The following FBN3 variants were observed in gnomAD, a reference collection of about 807,000 sequenced individuals.
The protein encoded by FBN3 is fibrillin 3.
FBN3 carries 234 observed loss-of-function variants against 330.1 expected under a neutral mutation model. The ratio of observed to expected loss-of-function variants is 0.71; its 90% confidence interval spans 0.64 to 0.79. The LOEUF (loss-of-function observed/expected upper bound fraction) is 0.79. Among genes scored for constraint, FBN3 ranks in the 30% least tolerant of loss-of-function variants. The pLI is 0.00. For missense variants in FBN3, 3,606 were observed against 3,886.9 expected (o/e 0.93, Z 1.92); for synonymous variants, 1,458 against 1,517.3 (o/e 0.96, Z 0.91).
chr19:8,087,620 T>C (rs2081993794), intron 53 of FBN3, among the ~76,000 whole-genome samples: 1 of 136,156 alleles, frequency 7.3e-6, no homozygotes, highest in Admixed American at 7.2e-5. Context: ...TTTTTTTTTT[T>C]TTTGAGGCGG....
intron 14 of FBN3, 143 bp downstream of exon 14, chr19:8,132,841 C>A: frequency 8.3e-6 from 8 of 969,212 alleles, no homozygotes; most frequent in Non-Finnish European, 1.2e-5. Flanking sequence ...TTCCCTCCTC[C>A]TCCTCTTTTT....
chr19:8,087,236 T>G, intron 53 of FBN3, 25 bp from the exon 54 acceptor site: 1 of 1,559,976 alleles, frequency 6.4e-7, no homozygotes, highest in Non-Finnish European at 8.6e-7. Flanking sequence ...AGACAGATGG[T>G]CAGTCAAGGC....
Position 8,126,309 on chromosome 19 carries a change from C to T in FBN3, c.2593G>A (p.Val865Ile), listed in dbSNP as rs776578027. 3.1e-6 allele frequency: 5 copies of T among 1,588,690 alleles called. No individual in the cohort carries two copies. In the East Asian group the frequency reaches 9.1e-5, roughly 29 times the overall value. Residue 865 changes from valine to isoleucine, a missense_variant, in exon 21 of 64, where the codon GTC (valine) becomes ATC (isoleucine). Physicochemically the swap from Val to Ile is conservative, Grantham distance 29 (BLOSUM62 3). Coordinates refer to ENST00000600128, the MANE Select transcript of FBN3 (RefSeq NM_032447.5). The stretch of plus-strand genomic sequence containing the variant: ...GGCAGGCAGTTACCATCGCAGGTGA[C>T]ACCCGTCATCCGGGCAAAGCCCCGG... ...CARGFARMTGVTCDDVNECES... is the reference protein window; with the variant it reads ...CARGFARMTGITCDDVNECES...
intron 38 of FBN3, 119 bp downstream of exon 38, chr19:8,105,989 A>G: frequency 8.6e-7 from 1 of 1,166,142 alleles, no homozygotes; most frequent in Non-Finnish European, 1.2e-6. Context: ...AAGAGGAGGC[A>G]GGGGGCAGAA....
Position 8,129,328 on chromosome 19 carries a change from G to T in FBN3, c.2082C>A (p.Ala694=), listed in dbSNP as rs1286484606. ...NECALDPEVC[A]NGVCENLRGS... ...CCCGAAGGTTCTCGCACACGCCATT[G>T]GCACAAACCTCAGGATCCAGAGCAC... Residue 694 remains alanine (A), a synonymous_variant, in exon 17 of 64, where the codon GCC becomes GCA. Coordinates refer to ENST00000600128, the MANE Select transcript of FBN3 (RefSeq NM_032447.5). This position sits in a 1 kb window ranked among gnomAD's most constrained non-coding sequence, Gnocchi z 4.5. 6.2e-7 allele frequency: 1 copy of T among 1,614,148 alleles called. No individual in the cohort carries two copies. The highest frequency in any genetic ancestry group is 1.7e-5 in the Admixed American group (1 of 60,022).
Position 8,082,474 on chromosome 19 carries a change from CTTCCTTCCTTCCTTCCCTTTCTTTCTCT to C in FBN3, c.7213+745_7213+772del, listed in dbSNP as rs1349987237. Among the ~76,000 whole-genome samples, 209 of 94,714 alleles carry C rather than the reference CTTCCTTCCTTCCTTCCCTTTCTTTCTCT, an allele frequency of 2.2e-3. 2 individuals carry two copies. The highest frequency in any genetic ancestry group is 3.9e-3 in the Non-Finnish European group (175 of 45,266). The allele number at this position is 94,714 out of a possible 152,430, so 62.1% of individuals were successfully genotyped here. ...TTCCCTTCCCTTCCTTCCTTCCTTC[CTTCCTTCCTTCCTTCCCTTTCTTTCTCT>C]CTTTCTTTCTTGACAGAGTCTCACT... On this transcript the variant is annotated intron_variant, in intron 57 of 63. Coordinates refer to ENST00000600128, the MANE Select transcript of FBN3 (RefSeq NM_032447.5).
intron 47 of FBN3, among the ~76,000 whole-genome samples, chr19:8,093,802 C>A (rs199819110): frequency 7.1e-6 from 1 of 140,866 alleles, no homozygotes; most frequent in African/African-American, 2.5e-5. Flanking sequence ...AAAACAACAA[C>A]AAAAAAAGGA....
At chr19:8,136,830 C>T (rs2083293323) in intron 10 of FBN3, among the ~76,000 whole-genome samples, 3 of 149,614 alleles carry the variant, frequency 2.0e-5, no homozygotes, top group Admixed American at 2.0e-4. Context: ...TAGATACCTC[C>T]AACCTGGGGC....
At chr19:8,082,467 TTCCTTCC>T (rs1164892390) in intron 57 of FBN3, among the ~76,000 whole-genome samples, 81 of 93,326 alleles carry the variant, frequency 8.7e-4, no homozygotes, top group African/African-American at 3.6e-3. Context: ...CCTTCCTTCC[TTCCTTCC>T]TTCCTTCCTT....
At chr19:8,088,982 G>C (rs936346009) in intron 51 of FBN3, among the ~76,000 whole-genome samples, 1 of 152,138 alleles carries the variant, frequency 6.6e-6, no homozygotes, top group Non-Finnish European at 1.5e-5. Context: ...GAATGAGTGA[G>C]CAAAGGAGTG....
chr19:8,111,300 G>T, intron 32 of FBN3, 117 bp from the exon 33 acceptor site: 1 of 1,293,642 alleles, frequency 7.7e-7, no homozygotes, highest in Non-Finnish European at 1.0e-6. Flanking sequence ...CAGGCAAGTA[G>T]CCCTGGGGAC....
At chr19:8,136,367 T>A in intron 11 of FBN3, 21 bp downstream of exon 11, 1 of 1,608,714 alleles carries the variant, frequency 6.2e-7, no homozygotes, top group Admixed American at 1.7e-5. Context: ...CCGCCCCCCC[T>A]TCCACCTGGC....
rs2081376064 is a variant in FBN3, at chr19:8,065,777, T to C, written c.*142A>G. 1.3e-6 allele frequency: 1 copy of C among 749,098 alleles called. No individual in the cohort carries two copies. Among genetic ancestry groups the C allele is most frequent in the Non-Finnish European group, 2.1e-6 (1 of 473,360 alleles). The allele number at this position is 749,098 out of a possible 1,614,324, so 46.4% of individuals were successfully genotyped here. On this transcript the variant is annotated 3_prime_UTR_variant, in exon 64 of 64. Coordinates refer to ENST00000600128, the MANE Select transcript of FBN3 (RefSeq NM_032447.5). ...CAGAGGCCCAGGCAGAGGCCGGGCT[T>C]GCCTGAGGTTGTCGTGTAGCATTTC...
intron 38 of FBN3, among the ~76,000 whole-genome samples, chr19:8,104,929 TTCTTTCTCTC>T (rs58562541): frequency 0.017 from 2,603 of 151,658 alleles, 74 homozygotes; most frequent in African/African-American, 0.06. Flanking sequence ...TTTCTTCTCT[TTCTTTCTCTC>T]TCTTTCTCTC....
In FBN3 at chr19:8,117,492, C is replaced by G; in HGVS notation, c.3435G>C (p.Gln1145His). 2 of 1,560,338 alleles carry G rather than the reference C, an allele frequency of 1.3e-6. No individual in the cohort carries two copies. ...CGCAGCCCTGGCGGTCAGGTGTGCTCTGGAAGCCGGCATGGCAGGAGCACT... is the reference window on the plus strand; with the variant it reads ...CGCAGCCCTGGCGGTCAGGTGTGCTGTGGAAGCCGGCATGGCAGGAGCACT... ...AFQCSCHAGF[Q>H]STPDRQGCVD... Residue 1145 changes from glutamine (Q) to histidine (H), a missense_variant, in exon 27 of 64, where the codon CAG becomes CAC. Gln to His is a conservative substitution (Grantham distance 24, BLOSUM62 0). Coordinates refer to ENST00000600128, the MANE Select transcript of FBN3 (RefSeq NM_032447.5).
At chr19:8,122,757 C>T (rs7249103) in intron 24 of FBN3, among the ~76,000 whole-genome samples, 9,223 of 151,312 alleles carry the variant, frequency 0.061, 890 homozygotes, top group African/African-American at 0.2. Flanking sequence ...CTCTGCATCC[C>T]GGGTTCACGC....
intron 47 of FBN3, among the ~76,000 whole-genome samples, chr19:8,093,341 G>C (rs2082138233): frequency 6.6e-6 from 1 of 151,836 alleles, no homozygotes; most frequent in South Asian, 2.1e-4. Flanking sequence ...TACAAAAATT[G>C]GGCCTGGCGC....
Position 8,096,512 on chromosome 19 carries a change from G to A in FBN3, c.5471C>T (p.Thr1824Ile). The A allele has an allele frequency of 6.2e-7, 1 of 1,613,976 alleles. No homozygotes were observed. Among genetic ancestry groups the A allele is most frequent in the Non-Finnish European group, 8.5e-7 (1 of 1,179,982 alleles). ...NVCSHGDCMD[T>I]EGSYMCLCHR... ...ACACAGACACATGTAGCTGCCTTCTGTGTCCATGCAGTCACCATGGCTACA... is the reference window on the plus strand; with the variant it reads ...ACACAGACACATGTAGCTGCCTTCTATGTCCATGCAGTCACCATGGCTACA... The change falls in exon 44 of 64, where the codon ACA becomes ATA. Residue 1824 changes from threonine to isoleucine, a missense_variant. Coordinates refer to ENST00000600128, the MANE Select transcript of FBN3 (RefSeq NM_032447.5). The surrounding 1 kb of genome is among the most constrained non-coding windows in gnomAD (Gnocchi z 4.6).
chr19:8,138,398 C>T lies in FBN3; in HGVS notation c.1018+14G>A, dbSNP rs758406443. ...TCCTCACCCACAGCCCTGCAGGCTGCAGCTCTTACTCACTGGAGCCCCGAG... is the reference window on the plus strand; with the variant it reads ...TCCTCACCCACAGCCCTGCAGGCTGTAGCTCTTACTCACTGGAGCCCCGAG... On this transcript the variant is annotated intron_variant, in intron 9 of 63. Transcript: ENST00000600128. 8 of 1,610,300 alleles carry T rather than the reference C, an allele frequency of 5.0e-6. No individual in the cohort carries two copies. In the Admixed American group the frequency reaches 6.7e-5, roughly 14 times the overall value.
Sources: allele counts gnomAD v4.1 joint callset (sites outside exome capture counted in the v4.1 genomes callset), GRCh38; gene constraint gnomAD v4.1.1; non-coding constraint Gnocchi (gnomAD v3.1); transcripts MANE v1.5; gene names NCBI Gene and HGNC (gene_info 2026-07-23, HGNC 2026-07-21).